PCDHAC2: variants seen among roughly 807,000 people sequenced by gnomAD.
PCDHAC2 encodes the protein protocadherin alpha-C2.
PCDHAC2 carries 24 observed loss-of-function variants against 63.3 expected under a neutral mutation model. The ratio of observed to expected loss-of-function variants is 0.38; its 90% CI spans 0.27 to 0.53. The LOEUF is 0.53. Among genes scored for constraint, PCDHAC2 ranks in the 20% least tolerant of loss-of-function variants. PCDHAC2 has a pLI of 0.81. For missense variants in PCDHAC2, 1,181 were observed against 1,275.2 expected (o/e 0.93, Z 1.12); for synonymous variants, 569 against 529.4 (o/e 1.07, Z -1.03).
chr5:140,998,826 AGTGCTGGATTACTG>A (rs1301277298), intron 3 of PCDHAC2, among the ~76,000 whole-genome samples: 1 of 152,240 alleles, frequency 6.6e-6, no homozygotes, highest in Non-Finnish European at 1.5e-5. Flanking sequence ...GGCCTCCCAA[AGTGCTGGATTACTG>A]GTGTGAGCCA....
At chr5:140,986,532 C>G (rs1298199477) in intron 3 of PCDHAC2, among the ~76,000 whole-genome samples, 2 of 152,184 alleles carry the variant, frequency 1.3e-5, no homozygotes, top group Non-Finnish European at 2.9e-5. Context: ...GGGAACTGGC[C>G]TGGCTTCAGT....
chr5:141,007,311 G>T (rs1268953957), intron 3 of PCDHAC2, among the ~76,000 whole-genome samples: 1 of 151,596 alleles, frequency 6.6e-6, no homozygotes, highest in Non-Finnish European at 1.5e-5. Context: ...AGCATTTTGG[G>T]AGGCTAAAGT....
chr5:140,981,791 C>G (rs564396430), intron 2 of PCDHAC2, among the ~76,000 whole-genome samples: 2 of 152,000 alleles, frequency 1.3e-5, no homozygotes, highest in Non-Finnish European at 2.9e-5. Flanking sequence ...GTTCTCTTTT[C>G]CCTTGAACAG....
At chr5:140,991,109 C>A (rs987847767) in intron 3 of PCDHAC2, among the ~76,000 whole-genome samples, 1 of 152,156 alleles carries the variant, frequency 6.6e-6, no homozygotes, top group Non-Finnish European at 1.5e-5. Flanking sequence ...AATTAAGTGG[C>A]TTTCTTACAT....
rs369285531 is a variant in PCDHAC2 at position 140,968,272 on chromosome 5, A to G, written c.1506A>G (p.Ala502=). 1 of 1,613,936 alleles carries G rather than the reference A, an allele frequency of 6.2e-7. No homozygotes were observed. The highest frequency in any genetic ancestry group is 1.3e-5 in the African/African-American group (1 of 74,924). The change falls in exon 1 of 4, where the codon GCA becomes GCG. Residue 502 remains alanine, a synonymous_variant. Transcript: ENST00000289269. ...QATDPDEKEN[A]EVTYSLLERE... is the part of the protein sequence containing the mutation. ...CAGACCCAGATGAAAAGGAGAATGC[A>G]GAGGTGACCTACTCCCTTCTGGAGA...
chr5:140,975,244 A>G (rs934948446), intron 1 of PCDHAC2, among the ~76,000 whole-genome samples: 6 of 152,120 alleles, frequency 3.9e-5, no homozygotes. Flanking sequence ...AATCCCTCTT[A>G]TGCTTCAGAT....
chr5:140,990,671 C>T (rs2097406151), intron 3 of PCDHAC2, among the ~76,000 whole-genome samples: 2 of 152,176 alleles, frequency 1.3e-5, no homozygotes, highest in South Asian at 4.1e-4. Flanking sequence ...ATTAGATGCA[C>T]ACCAAGCTGC....
At chr5:141,006,119 T>C (rs1327328997) in intron 3 of PCDHAC2, among the ~76,000 whole-genome samples, 14 of 152,070 alleles carry the variant, frequency 9.2e-5, no homozygotes, top group South Asian at 4.2e-4. Context: ...TTTTTTTTTT[T>C]CTCAAGGCAG....
intron 1 of PCDHAC2, among the ~76,000 whole-genome samples, chr5:140,973,378 A>C (rs1453357452): frequency 6.6e-6 from 1 of 152,238 alleles, no homozygotes; most frequent in Non-Finnish European, 1.5e-5. Context: ...CAATGGTCAG[A>C]ATAGACAAAG....
In PCDHAC2 at chr5:140,969,057, T is replaced by G; in HGVS notation, c.2291T>G (p.Ile764Ser). 2 of 1,614,162 alleles carry G rather than the reference T, an allele frequency of 1.2e-6. No individual in the cohort carries two copies. Among genetic ancestry groups the G allele is most frequent in the Non-Finnish European group, 1.7e-6 (2 of 1,180,020 alleles). Residue 764 changes from isoleucine (I) to serine (S), a missense_variant, in exon 1 of 4, where the codon ATT becomes AGT. Transcript: ENST00000289269. The stretch of plus-strand genomic sequence containing the variant: ...CTGTACAAACAAGCCAACAACAATA[T>G]TGATGCCAGGATACCGCATGGCCTC... ...AELYKQANNN[I>S]DARIPHGLKV...
chr5:141,008,872 A>C (rs1174901625), intron 3 of PCDHAC2, among the ~76,000 whole-genome samples: 1 of 152,140 alleles, frequency 6.6e-6, no homozygotes, highest in Non-Finnish European at 1.5e-5. Context: ...GCTGCATCCC[A>C]CCACCCTTCA....
rs1366864610 is a variant in PCDHAC2 at position 141,006,125 on chromosome 5, G to A, written c.2714-3502G>A. ...AAGGAGTTTTTTTTTTTTTTCTCAA[G>A]GCAGTAGAAAGCTTAAGCAGAGGAG... On this transcript the variant is annotated intron_variant, in intron 3 of 3. Transcript: ENST00000289269. 4.7e-5 allele frequency among the ~76,000 whole-genome samples: 7 copies of A among 149,644 alleles called. No individual in the cohort carries two copies. The South Asian group carries it at 1.3e-3, about 27-fold the overall frequency.
At chr5:140,997,533 A>G (rs1247028089) in intron 3 of PCDHAC2, among the ~76,000 whole-genome samples, 1 of 152,230 alleles carries the variant, frequency 6.6e-6, no homozygotes, top group Non-Finnish European at 1.5e-5. Context: ...CAATAAAAAT[A>G]CATTATTATA....
chr5:140,994,379 G>A (rs2097618506), intron 3 of PCDHAC2, among the ~76,000 whole-genome samples: 1 of 152,112 alleles, frequency 6.6e-6, no homozygotes. Flanking sequence ...AAATTCAGGG[G>A]ACTAAGTCAG....
intron 3 of PCDHAC2, among the ~76,000 whole-genome samples, chr5:140,987,711 T>C (rs2097265419): frequency 6.6e-6 from 1 of 152,208 alleles, no homozygotes; most frequent in South Asian, 2.1e-4. Flanking sequence ...TTTCCAGGTA[T>C]GAGTCTATCC....
At chr5:141,003,928 G>A (rs1479798792) in intron 3 of PCDHAC2, among the ~76,000 whole-genome samples, 1 of 152,128 alleles carries the variant, frequency 6.6e-6, no homozygotes, top group Non-Finnish European at 1.5e-5. Context: ...CCTCAGTCTT[G>A]TCTTTGCCTG....
intron 3 of PCDHAC2, among the ~76,000 whole-genome samples, chr5:141,003,899 A>G (rs1288060303): frequency 1.3e-5 from 2 of 152,200 alleles, no homozygotes; most frequent in East Asian, 1.9e-4. Context: ...AGGCCCATTC[A>G]TTTGGGTCTT....
At position 140,978,992 on chromosome 5, in the gene PCDHAC2, G is replaced by T. The variant is rs1363421000; in HGVS notation, c.2609G>T (p.Arg870Ile). The change falls in exon 2 of 4, where the codon AGA (arginine) becomes ATA (isoleucine). Residue 870 changes from arginine to isoleucine, a missense_variant. Arg to Ile is a moderately conservative substitution (Grantham distance 97). Transcript: ENST00000289269. ...NPDWRYSASL[R>I]AGMHSSVHLE... Reference sequence around the variant, plus strand: ...GACTGGCGTTACTCTGCCTCCCTGAGAGCAGGCATGCACAGGTATGTATTT... The same window carrying T: ...GACTGGCGTTACTCTGCCTCCCTGATAGCAGGCATGCACAGGTATGTATTT... The T allele has an allele frequency of 8.1e-6, 13 of 1,614,060 alleles. No homozygotes were observed. Among genetic ancestry groups the T allele is most frequent in the Non-Finnish European group, 1.1e-5 (13 of 1,180,034 alleles).
At chr5:140,992,517 G>C (rs78765218) in intron 3 of PCDHAC2, among the ~76,000 whole-genome samples, 388 of 152,300 alleles carry the variant, frequency 2.5e-3, no homozygotes, top group African/African-American at 8.8e-3. Flanking sequence ...GGGCATGGTA[G>C]CTAATGGAAA....
Sources: gnomAD v4.1 joint callset for allele counts (sites outside exome capture counted in the v4.1 genomes callset) on GRCh38, gnomAD v4.1.1 for gene constraint, MANE v1.5 for transcripts, NCBI Gene and HGNC (gene_info 2026-07-23, HGNC 2026-07-21) for gene names.